NRG3: variants seen among roughly 807,000 people sequenced by gnomAD.
NRG3 encodes the protein neuregulin 3, also known as pro-neuregulin-3, membrane-bound isoform.
Under a neutral mutation model 66.9 loss-of-function variants are expected in NRG3, and 31 were observed. The observed-to-expected ratio is 0.46, with a 90% CI of 0.35 to 0.63. The LOEUF is 0.63. Ranked by LOEUF, NRG3 falls within the 20% of genes least tolerant of loss-of-function variation. The probability of loss-of-function intolerance (pLI) is 0.00; values close to 1 mark genes in which losing one functional copy is unlikely to be tolerated. For missense variants in NRG3, 910 were observed against 878.9 expected, an observed-to-expected ratio of 1.04 and a Z score of -0.45; for synonymous variants, 393 against 359.4, an observed-to-expected ratio of 1.09 and a Z score of -1.06.
intron 1 of NRG3, among the ~76,000 whole-genome samples, chr10:82,184,451 A>T (rs1328270555): frequency 6.6e-6 from 1 of 152,194 alleles, no homozygotes; most frequent in Non-Finnish European, 1.5e-5. Context: ...AACACTGGCA[A>T]TATCTGCCCT....
intron 3 of NRG3, among the ~76,000 whole-genome samples, chr10:82,857,920 T>A (rs2063898970): frequency 6.6e-6 from 1 of 152,152 alleles, no homozygotes; most frequent in Non-Finnish European, 1.5e-5. Flanking sequence ...AGTGATAATA[T>A]CCCTTTCTTT....
intron 1 of NRG3, among the ~76,000 whole-genome samples, chr10:82,053,462 C>T (rs1345409437): frequency 6.6e-6 from 1 of 152,146 alleles, no homozygotes; most frequent in Non-Finnish European, 1.5e-5. Context: ...GAAGTAACTC[C>T]TCCTTACACA....
chr10:82,626,853 A>G (rs2049459666), intron 2 of NRG3, among the ~76,000 whole-genome samples: 2 of 152,118 alleles, frequency 1.3e-5, no homozygotes, highest in African/African-American at 4.8e-5. Context: ...AGTTTCCTCT[A>G]TCAGACTCAC....
At chr10:82,245,843 A>G (rs1273741862) in intron 1 of NRG3, among the ~76,000 whole-genome samples, 1 of 152,174 alleles carries the variant, frequency 6.6e-6, no homozygotes, top group Non-Finnish European at 1.5e-5. Context: ...TCCTTTGATC[A>G]AAGATTTATT....
intron 2 of NRG3, among the ~76,000 whole-genome samples, chr10:82,624,704 C>CAT (rs142784571): frequency 0.073 from 10,792 of 147,064 alleles, 451 homozygotes; most frequent in African/African-American, 0.11. Flanking sequence ...CATATGCATA[C>CAT]ATATATATAT....
chr10:82,052,402 A>G lies in NRG3; in HGVS notation c.823+176239A>G, dbSNP rs945635423. Among the ~76,000 whole-genome samples the G allele has an allele frequency of 7.2e-5, 11 of 152,256 alleles. No individual in the cohort carries two copies. In the East Asian group the frequency reaches 2.1e-3, roughly 29 times the overall value. On this transcript the variant is annotated intron_variant, in intron 1 of 8. Coordinates refer to ENST00000372141, the MANE Select transcript of NRG3 (RefSeq NM_001010848.4). ...TCCAAAAGACTTACAGTGACAGCCA[A>G]CCACATTCCAAGAACTGCACTGGTC...
At chr10:82,185,000 A>G (rs1327041928) in intron 1 of NRG3, among the ~76,000 whole-genome samples, 1 of 152,170 alleles carries the variant, frequency 6.6e-6, no homozygotes, top group African/African-American at 2.4e-5. Flanking sequence ...TACACAGTGC[A>G]AGTAAAAGGC....
At chr10:82,534,357 C>T (rs1277215171) in intron 2 of NRG3, among the ~76,000 whole-genome samples, 2 of 151,932 alleles carry the variant, frequency 1.3e-5, no homozygotes, top group African/African-American at 2.4e-5. Context: ...TCCGCGCTCC[C>T]GGGTTGAAGC....
intron 3 of NRG3, among the ~76,000 whole-genome samples, chr10:82,823,856 A>T (rs552310523): frequency 6.6e-6 from 1 of 152,290 alleles, no homozygotes; most frequent in Non-Finnish European, 1.5e-5. Flanking sequence ...TTCACGCATT[A>T]TAAAATACAT....
At chr10:81,893,782 T>C (rs2132583562) in intron 1 of NRG3, among the ~76,000 whole-genome samples, 1 of 152,330 alleles carries the variant, frequency 6.6e-6, no homozygotes, top group Middle Eastern at 3.4e-3. Flanking sequence ...GTGAGCCTGT[T>C]CTGTCTTCAT....
At chr10:82,399,465 A>T (rs2086933071) in intron 2 of NRG3, among the ~76,000 whole-genome samples, 1 of 152,196 alleles carries the variant, frequency 6.6e-6, no homozygotes, top group Non-Finnish European at 1.5e-5. Context: ...AATATTATGC[A>T]TTGGGTAGTT....
At chr10:81,903,592 C>T (rs989764862) in intron 1 of NRG3, among the ~76,000 whole-genome samples, 1 of 152,054 alleles carries the variant, frequency 6.6e-6, no homozygotes, top group Non-Finnish European at 1.5e-5. Context: ...AAAAGTATGC[C>T]GAGAACTCGT....
At chr10:82,079,097 C>T (rs2065247688) in intron 1 of NRG3, among the ~76,000 whole-genome samples, 1 of 151,206 alleles carries the variant, frequency 6.6e-6, no homozygotes, top group African/African-American at 2.4e-5. Context: ...GATGGAGTTC[C>T]ACTCTTTCGC....
intron 3 of NRG3, among the ~76,000 whole-genome samples, chr10:82,854,038 T>C (rs1319903549): frequency 5.9e-5 from 9 of 152,168 alleles, no homozygotes; most frequent in Admixed American, 5.9e-4. Flanking sequence ...AGAAAATTGG[T>C]GGGATTATGT....
rs771645747 is a variant in NRG3, at chr10:81,876,078, C to T, written c.738C>T (p.Pro246=). 2.5e-6 allele frequency: 4 copies of T among 1,613,736 alleles called. No homozygotes were observed. The African/African-American group carries it at 4.0e-5, about 16-fold the overall frequency. The change falls in exon 1 of 9, where the codon CCC becomes CCT. Residue 246 remains proline (P), a synonymous_variant. Coordinates refer to ENST00000372141, the MANE Select transcript of NRG3 (RefSeq NM_001010848.4). ...CTACTCCCTCCTGGACCCTGTCTCCCTTTCAGGATGCTGCCTCCTCTTCTT... is the reference window on the plus strand; with the variant it reads ...CTACTCCCTCCTGGACCCTGTCTCCTTTTCAGGATGCTGCCTCCTCTTCTT... ...HDSTPSWTLS[P]FQDAASSSSS...
intron 3 of NRG3, among the ~76,000 whole-genome samples, chr10:82,744,931 C>T (rs2058581752): frequency 6.6e-6 from 1 of 152,014 alleles, no homozygotes; most frequent in Admixed American, 6.6e-5. Context: ...TCAACTGTCA[C>T]CTTGATTAGT....
At chr10:82,812,904 A>C (rs767656612) in intron 3 of NRG3, among the ~76,000 whole-genome samples, 2 of 152,210 alleles carry the variant, frequency 1.3e-5, no homozygotes, top group Non-Finnish European at 2.9e-5. Context: ...CTCCTCTGCA[A>C]TAGTCAAAAC....
At chr10:82,909,236 T>G (rs1845079353) in intron 4 of NRG3, among the ~76,000 whole-genome samples, 1 of 152,182 alleles carries the variant, frequency 6.6e-6, no homozygotes, top group Admixed American at 6.5e-5. Flanking sequence ...TCACAATTAT[T>G]ACCTCCTAGA....
At chr10:82,164,379 C>T (rs760263432) in intron 1 of NRG3, among the ~76,000 whole-genome samples, 7 of 152,122 alleles carry the variant, frequency 4.6e-5, no homozygotes, top group Non-Finnish European at 1.0e-4. Context: ...GTCCTCTCTT[C>T]TTGCTATTTA....
Sources: gnomAD v4.1 joint callset for allele counts (sites outside exome capture counted in the v4.1 genomes callset) on GRCh38, gnomAD v4.1.1 for gene constraint, MANE v1.5 for transcripts, NCBI Gene and HGNC (gene_info 2026-07-23, HGNC 2026-07-21) for gene names.